The following PIK3CB variants were observed in gnomAD, a reference collection of about 807,000 sequenced individuals.
PIK3CB encodes the protein phosphatidylinositol-4,5-bisphosphate 3-kinase catalytic subunit beta.
In PIK3CB, 39 loss-of-function variants were observed where a neutral mutation model predicts 136.8. The observed-to-expected ratio is 0.29, with a 90% CI of 0.22 to 0.37. The LOEUF (loss-of-function observed/expected upper bound fraction) is 0.37. PIK3CB is among the 10% of genes least tolerant of loss of function. The probability of loss-of-function intolerance (pLI) is 1.00; values close to 1 mark genes in which losing one functional copy is unlikely to be tolerated. For synonymous variants in PIK3CB, 428 were observed against 436.6 expected (o/e 0.98, Z 0.25); for missense variants, 868 against 1,275.4 (o/e 0.68, Z 4.87).
At chr3:138,793,688 C>T (rs545099423) in intron 2 of PIK3CB, among the ~76,000 whole-genome samples, 1 of 151,164 alleles carries the variant, frequency 6.6e-6, no homozygotes, top group East Asian at 1.9e-4. Flanking sequence ...AGTGTTTCTA[C>T]AATAAGGTGG....
In PIK3CB at chr3:138,776,922, CAAAAAA is replaced by C. The variant is rs11435742; in HGVS notation, c.-16-17569_-16-17564del. ...TTGGTGACAGAGTGAGACTCTACCT[CAAAAAA>C]AAAAAAAAAAAAAAAGAATCTAAAT... On this transcript the variant is annotated intron_variant, in intron 2 of 23. Transcript: ENST00000674063. 8.8e-3 allele frequency among the ~76,000 whole-genome samples: 504 copies of C among 57,414 alleles called. 4 individuals carry two copies. Among genetic ancestry groups the C allele is most frequent in the African/African-American group, 0.026 (456 of 17,466 alleles). The allele number at this position is 57,414 out of a possible 152,430, so 37.7% of individuals were successfully genotyped here. A position where few individuals can be genotyped will look rare whatever the true frequency, so the allele number is the denominator to read the frequency against.
intron 14 of PIK3CB, among the ~76,000 whole-genome samples, chr3:138,692,174 A>G (rs2044023957): frequency 6.6e-6 from 1 of 152,240 alleles, no homozygotes; most frequent in Admixed American, 6.5e-5. Context: ...AGTATAAGGT[A>G]TGAAGCCCAA....
intron 8 of PIK3CB, among the ~76,000 whole-genome samples, chr3:138,718,421 T>A (rs921457742): frequency 1.3e-5 from 2 of 152,156 alleles, no homozygotes; most frequent in Non-Finnish European, 2.9e-5. Context: ...GGCTAATAGA[T>A]CTTTGTCTGA....
chr3:138,675,358 G>C (rs1046883315), intron 19 of PIK3CB, among the ~76,000 whole-genome samples: 1 of 151,964 alleles, frequency 6.6e-6, no homozygotes, highest in African/African-American at 2.4e-5. Context: ...GCATAATGGC[G>C]TTTAAGAAGG....
At chr3:138,830,759 G>A (rs1209611781) in intron 1 of PIK3CB, among the ~76,000 whole-genome samples, 5 of 149,968 alleles carry the variant, frequency 3.3e-5, no homozygotes, top group Admixed American at 6.7e-5. Flanking sequence ...AAAATTAGCC[G>A]GGCGTGTTGG....
At chr3:138,688,136 G>A (rs1654961259) in intron 16 of PIK3CB, among the ~76,000 whole-genome samples, 1 of 152,168 alleles carries the variant, frequency 6.6e-6, no homozygotes, top group African/African-American at 2.4e-5. Context: ...GGAAGCCTAT[G>A]AGAGTTCTTC....
intron 2 of PIK3CB, among the ~76,000 whole-genome samples, chr3:138,766,158 T>C (rs182562555): frequency 2.6e-5 from 4 of 152,310 alleles, no homozygotes; most frequent in Admixed American, 2.6e-4. Flanking sequence ...AGTAATGTTA[T>C]AGGTGTTTCT....
chr3:138,825,151 A>G, intron 1 of PIK3CB: 2 of 295,438 alleles, frequency 6.8e-6, no homozygotes, highest in Non-Finnish European at 1.2e-5. Context: ...GAGCATGAAC[A>G]TGGTATCACC....
At chr3:138,668,529 A>G (rs775577304) in intron 19 of PIK3CB, among the ~76,000 whole-genome samples, 26 of 152,124 alleles carry the variant, frequency 1.7e-4, no homozygotes, top group Admixed American at 2.0e-4. Context: ...AGTAATGTTT[A>G]CCCTCCTTTC....
At chr3:138,716,394 C>T (rs2044607430) in intron 8 of PIK3CB, among the ~76,000 whole-genome samples, 1 of 152,068 alleles carries the variant, frequency 6.6e-6, no homozygotes, top group Non-Finnish European at 1.5e-5. Flanking sequence ...AAAAATCTAC[C>T]TTAGAAGCTG....
chr3:138,771,685 T>C (rs979569808), intron 2 of PIK3CB, among the ~76,000 whole-genome samples: 5 of 152,180 alleles, frequency 3.3e-5, no homozygotes, highest in African/African-American at 1.2e-4. Flanking sequence ...AAATCAAAGA[T>C]GGCACTCTAA....
chr3:138,745,451 G>T (rs1214964344), intron 4 of PIK3CB, among the ~76,000 whole-genome samples: 1 of 151,982 alleles, frequency 6.6e-6, no homozygotes, highest in Non-Finnish European at 1.5e-5. Flanking sequence ...TGGCCAACAT[G>T]GGGAAACCCC....
Position 138,656,430 on chromosome 3 carries a change from T to C in PIK3CB, c.2943-156A>G, listed in dbSNP as rs79215490. The stretch of plus-strand genomic sequence containing the variant: ...TTTCTGATTTTTACTTCTGCGAAAA[T>C]TGTCCCAGGACTAAAATCTACATAA... On this transcript the variant is annotated intron_variant, in intron 22 of 23. Transcript: ENST00000674063. Among the ~76,000 whole-genome samples the C allele has an allele frequency of 8.0e-3, 1,221 of 152,218 alleles. 19 individuals carry two copies. Among genetic ancestry groups the C allele is most frequent in the African/African-American group, 0.029 (1,185 of 41,532 alleles).
chr3:138,716,863 C>A (rs1296750956), intron 8 of PIK3CB, among the ~76,000 whole-genome samples: 1 of 125,262 alleles, frequency 8.0e-6, no homozygotes, highest in African/African-American at 3.1e-5. Flanking sequence ...CACTACACTC[C>A]AGCCTGGGTG....
At chr3:138,780,916 C>T (rs985937994) in intron 2 of PIK3CB, among the ~76,000 whole-genome samples, 1 of 152,064 alleles carries the variant, frequency 6.6e-6, no homozygotes, top group East Asian at 1.9e-4. Flanking sequence ...AATTCCTGGC[C>T]TCAAGCAATC....
chr3:138,685,420 A>AATAAAG, intron 16 of PIK3CB, among the ~76,000 whole-genome samples: 2 of 86,990 alleles, frequency 2.3e-5, no homozygotes, highest in East Asian at 1.3e-3. Context: ...AAAAAAAAAA[A>AATAAAG]AAAGAAAGAA....
chr3:138,696,670 G>A (rs1038457417), intron 13 of PIK3CB, among the ~76,000 whole-genome samples: 1 of 152,020 alleles, frequency 6.6e-6, no homozygotes. Context: ...GCTCCTAAAG[G>A]TATAGTGATG....
chr3:138,779,252 A>AT (rs2045896123), intron 2 of PIK3CB, among the ~76,000 whole-genome samples: 1 of 151,170 alleles, frequency 6.6e-6, no homozygotes, highest in Middle Eastern at 3.5e-3. Flanking sequence ...TGCCCGGCTA[A>AT]TTTTTTTGTA....
intron 13 of PIK3CB, among the ~76,000 whole-genome samples, chr3:138,698,480 T>C (rs2044182734): frequency 6.6e-6 from 1 of 152,334 alleles, no homozygotes; most frequent in Admixed American, 6.5e-5. Flanking sequence ...ATGTTAAAAT[T>C]GACCTGAATG....
Sources: allele counts gnomAD v4.1 joint callset (sites outside exome capture counted in the v4.1 genomes callset), GRCh38; gene constraint gnomAD v4.1.1; transcripts MANE v1.5; gene names NCBI Gene and HGNC (gene_info 2026-07-23, HGNC 2026-07-21).